Variants in CCDC187 observed in about 807,000 individuals in gnomAD.
CCDC187 encodes the protein coiled-coil domain-containing protein 187.
A neutral mutation model predicts 38.0 loss-of-function variants in CCDC187; 32 were observed. That is an observed-to-expected ratio of 0.84 (90% CI 0.64 to 1.13). CCDC187 has a LOEUF of 1.13. CCDC187 is among the 50% of genes most tolerant of loss of function. CCDC187 has a pLI of 0.00. For synonymous variants in CCDC187, 333 were observed against 347.9 expected, an observed-to-expected ratio of 0.96 and a Z score of 0.48; for missense variants, 707 against 786.8, an observed-to-expected ratio of 0.90 and a Z score of 1.21.
rs1235206592 is a variant in CCDC187 at position 136,252,431 on chromosome 9, C to T, written c.*1163G>A. On this transcript the variant is annotated 3_prime_UTR_variant, in exon 26 of 26. Coordinates refer to ENST00000638797, the MANE Select transcript of CCDC187 (RefSeq NM_001378188.1). ...ACAGCCGGCCGCCCACCCTGTCCAC[C>T]GGGGGAAGGTCCAGGCAACCGTCCC... is the stretch of plus-strand genomic sequence containing the variant. 2.0e-5 allele frequency: 4 copies of T among 201,492 alleles called. No individual in the cohort carries two copies. Among genetic ancestry groups the T allele is most frequent in the Non-Finnish European group, 4.1e-5 (4 of 96,838 alleles). The allele number at this position is 201,492 out of a possible 1,614,324, so 12.5% of individuals were successfully genotyped here.
intron 2 of CCDC187, among the ~76,000 whole-genome samples, 170 bp downstream of exon 2, chr9:136,302,642 A>G (rs1831712968): frequency 2.0e-5 from 3 of 151,944 alleles, no homozygotes. Context: ...CTCATCATGG[A>G]CCCAGCTCAG....
chr9:136,259,394 G>T lies in CCDC187; in HGVS notation c.4265C>A (p.Pro1422Gln). 1.0e-6 allele frequency: 1 copy of T among 985,280 alleles called. No homozygotes were observed. Among genetic ancestry groups the T allele is most frequent in the Non-Finnish European group, 1.2e-6 (1 of 829,980 alleles). The allele number at this position is 985,280 out of a possible 1,614,324, so 61.0% of individuals were successfully genotyped here. Residue 1422 changes from proline to glutamine, a missense_variant, in exon 21 of 26, where the codon CCG (proline) becomes CAG (glutamine). By Grantham distance (76) the Pro-to-Gln change is moderately conservative. Transcript: ENST00000638797. ...PLLGLQHVSP[P>Q]DGQRLGPAFP... ...GGCTGGGCCCAGCCGCTGTCCGTCC[G>T]GGGGGCTCACGTGCTGCAGGCCCAG...
At chr9:136,262,975 C>A (rs1027461412) in intron 18 of CCDC187, among the ~76,000 whole-genome samples, 2 of 152,142 alleles carry the variant, frequency 1.3e-5, no homozygotes, top group Non-Finnish European at 1.5e-5. Flanking sequence ...GATGCAGCTG[C>A]TGCTTGGGGT....
intron 10 of CCDC187, among the ~76,000 whole-genome samples, chr9:136,278,969 A>G (rs1830985340): frequency 6.6e-6 from 1 of 152,252 alleles, no homozygotes; most frequent in African/African-American, 2.4e-5. Context: ...GTTTAAGTCT[A>G]GAAAGTTCCA....
chr9:136,294,185 C>T (rs1001476772), intron 4 of CCDC187, among the ~76,000 whole-genome samples: 26 of 151,602 alleles, frequency 1.7e-4, no homozygotes, highest in Admixed American at 5.9e-4. Flanking sequence ...CATATACACA[C>T]GCCCTCACAT....
At chr9:136,306,268 A>T (rs1831803003), upstream of CCDC187, among the ~76,000 whole-genome samples, 1 of 152,172 alleles carries the variant, frequency 6.6e-6, no homozygotes, top group African/African-American at 2.4e-5. Context: ...GTCCGTACCC[A>T]TTCAGACCCT....
intron 14 of CCDC187, among the ~76,000 whole-genome samples, chr9:136,268,981 T>C (rs543709617): frequency 3.3e-5 from 5 of 151,898 alleles, no homozygotes; most frequent in Admixed American, 6.6e-5. Flanking sequence ...CAGCTGGAGT[T>C]TGTGGGGGCA....
Position 136,268,140 on chromosome 9 carries a change from G to A in CCDC187, c.3443-15C>T, listed in dbSNP as rs1830781265. On this transcript the variant is annotated splice_polypyrimidine_tract_variant and intron_variant, in intron 14 of 25. Transcript: ENST00000638797. ...GCCCTCCACCTCTGAGGAAGGAAGC[G>A]CCATGGTTGGGTCATGTAGGGGGTC... The A allele has an allele frequency of 3.0e-6, 3 of 985,448 alleles. No homozygotes were observed. The highest frequency in any genetic ancestry group is 4.7e-5 in the South Asian group (1 of 21,292). 61.0% of individuals were successfully genotyped at this position (985,448 alleles called of 1,614,324 possible).
chr9:136,295,067 G>C (rs1035755900), intron 4 of CCDC187, among the ~76,000 whole-genome samples: 1 of 152,256 alleles, frequency 6.6e-6, no homozygotes, highest in Non-Finnish European at 1.5e-5. Context: ...GATCATTGCA[G>C]GAGTTAGGCC....
At chr9:136,260,329 T>C (rs1554760846) in intron 19 of CCDC187, 65 bp from the exon 20 acceptor site, 2 of 983,582 alleles carry the variant, frequency 2.0e-6, no homozygotes, top group South Asian at 4.7e-5. Flanking sequence ...TGTCCAGCCC[T>C]GGCCACAACC....
At chr9:136,298,745 C>G (rs1272472263) in intron 3 of CCDC187, among the ~76,000 whole-genome samples, 1 of 152,212 alleles carries the variant, frequency 6.6e-6, no homozygotes, top group Admixed American at 6.5e-5. Context: ...CCCAGAGTCA[C>G]TAGGCCCATA....
At chr9:136,275,714 G>A (rs915762910) in intron 12 of CCDC187, among the ~76,000 whole-genome samples, 7 of 152,228 alleles carry the variant, frequency 4.6e-5, no homozygotes, top group Non-Finnish European at 1.0e-4. Context: ...TGGGGCAGGT[G>A]CTGAGCCACC....
Position 136,299,943 on chromosome 9 carries a change from AAAAC to A in CCDC187, c.724+273_724+276del, listed in dbSNP as rs1283342799. On this transcript the variant is annotated intron_variant, in intron 3 of 25. Coordinates refer to ENST00000638797, the MANE Select transcript of CCDC187 (RefSeq NM_001378188.1). ...GTTCTGTGCAGGAGATCTCTCAGCA[AAAAC>A]AAACAAACAACAACAACAAAAAATG... is the stretch of plus-strand genomic sequence containing the variant. 2.7e-3 allele frequency among the ~76,000 whole-genome samples: 414 copies of A among 152,326 alleles called. 3 individuals carry two copies. Among genetic ancestry groups the A allele is most frequent in the Non-Finnish European group, 4.2e-3 (287 of 68,024 alleles).
In CCDC187 at chr9:136,300,992, G is replaced by A. The variant is rs992090921; in HGVS notation, c.626-674C>T. ...CAGGAGCTGCACCAGCGCTTGGCACGACGCAGGCATCTCACACAGAAACGC... is the reference window on the plus strand; with the variant it reads ...CAGGAGCTGCACCAGCGCTTGGCACAACGCAGGCATCTCACACAGAAACGC... On this transcript the variant is annotated intron_variant, in intron 2 of 25. Coordinates refer to ENST00000638797, the MANE Select transcript of CCDC187 (RefSeq NM_001378188.1). Among the ~76,000 whole-genome samples, 318 of 152,302 alleles carry A rather than the reference G, an allele frequency of 2.1e-3. 15 individuals carry two copies. The East Asian group carries it at 0.058, about 28-fold the overall frequency.
intron 9 of CCDC187, among the ~76,000 whole-genome samples, chr9:136,282,682 G>T (rs1483722768): frequency 6.6e-6 from 1 of 152,216 alleles, no homozygotes; most frequent in Non-Finnish European, 1.5e-5. Flanking sequence ...TCAGCAGCCC[G>T]CAGGGCCCAC....
chr9:136,299,951 CA>C (rs1296904940), intron 3 of CCDC187, among the ~76,000 whole-genome samples: 4 of 152,172 alleles, frequency 2.6e-5, no homozygotes, highest in African/African-American at 7.2e-5. Context: ...CAAAAACAAA[CA>C]AACAACAACA....
intron 19 of CCDC187, among the ~76,000 whole-genome samples, chr9:136,261,856 G>T (rs1260255041): frequency 6.6e-6 from 1 of 152,212 alleles, no homozygotes; most frequent in African/African-American, 2.4e-5. Context: ...AAGGAGAGAA[G>T]GCCTCCTCGG....
At chr9:136,282,006 C>G (rs940512945) in intron 9 of CCDC187, among the ~76,000 whole-genome samples, 15 of 152,194 alleles carry the variant, frequency 9.9e-5, no homozygotes, top group Admixed American at 6.5e-5. Flanking sequence ...GAGCTCTGCA[C>G]TCGGACCCCA....
At position 136,258,528 on chromosome 9, in the gene CCDC187, G is replaced by C. The variant is rs1384787465; in HGVS notation, c.4366+404C>G. Among the ~76,000 whole-genome samples, 1 of 151,938 alleles carries C rather than the reference G, an allele frequency of 6.6e-6. No individual in the cohort carries two copies. Among genetic ancestry groups the C allele is most frequent in the Non-Finnish European group, 1.5e-5 (1 of 68,036 alleles). ...TGCTCCCGCCCCACCTGCAAATTGG[G>C]GACTTGGCTCTCGGGGGGGGCCCCG... On this transcript the variant is annotated intron_variant, in intron 22 of 25. Transcript: ENST00000638797. This position sits in a 1 kb window ranked among gnomAD's most constrained non-coding sequence, Gnocchi z 4.3.
Sources: gnomAD v4.1 joint callset for allele counts (sites outside exome capture counted in the v4.1 genomes callset) on GRCh38, gnomAD v4.1.1 for gene constraint, Gnocchi (gnomAD v3.1) non-coding constraint, MANE v1.5 for transcripts, NCBI Gene and HGNC (gene_info 2026-07-23, HGNC 2026-07-21) for gene names.